Variants in RAB38 observed in about 807,000 individuals in gnomAD.
RAB38 encodes the protein ras-related protein Rab-38.
Under a neutral mutation model 18.4 loss-of-function variants are expected in RAB38, and 15 were observed. The observed-to-expected ratio is 0.82, with a 90% CI of 0.55 to 1.26. RAB38 has a LOEUF of 1.26. Ranked by LOEUF, RAB38 falls within the 50% of genes most tolerant of loss-of-function variation. The pLI, the probability that RAB38 is intolerant of heterozygous loss-of-function variation, is 0.00. For synonymous variants in RAB38, 101 were observed against 104.4 expected, an observed-to-expected ratio of 0.97 and a Z score of 0.20; for missense variants, 294 against 267.4, an observed-to-expected ratio of 1.10 and a Z score of -0.69.
downstream of RAB38, among the ~76,000 whole-genome samples, chr11:88,112,793 A>AT (rs1942491139): frequency 2.2e-5 from 3 of 135,982 alleles, no homozygotes. Flanking sequence ...ACAACAACAA[A>AT]ATATATATAT....
the RAB38 span, among the ~76,000 whole-genome samples, chr11:87,911,162 T>C: frequency 6.6e-6 from 1 of 152,076 alleles, no homozygotes; most frequent in Non-Finnish European, 1.5e-5. Flanking sequence ...CATAGAGACT[T>C]GACTATAGTA....
the RAB38 span, among the ~76,000 whole-genome samples, chr11:88,092,169 T>C: frequency 1.3e-5 from 2 of 151,680 alleles, no homozygotes; most frequent in Admixed American, 1.3e-4. Flanking sequence ...CTGGACTAGA[T>C]CCTGTTTTGG....
At position 88,169,289 on chromosome 11, in the gene RAB38, T is replaced by A. The variant is rs185823225; in HGVS notation, c.202+5894A>T. Among the ~76,000 whole-genome samples, 6 of 152,346 alleles carry A rather than the reference T, an allele frequency of 3.9e-5. No homozygotes were observed. The East Asian group carries it at 1.2e-3, about 29-fold the overall frequency. ...GTCTAGTTTAGACTTACAAATAGCATCATTTACTACTTATCATTAAGTGGG... is the reference window on the plus strand; with the variant it reads ...GTCTAGTTTAGACTTACAAATAGCAACATTTACTACTTATCATTAAGTGGG... On this transcript the variant is annotated intron_variant, in intron 1 of 2. Coordinates refer to ENST00000243662, the MANE Select transcript of RAB38 (RefSeq NM_022337.3).
intron 2 of RAB38, among the ~76,000 whole-genome samples, chr11:88,133,681 G>C (rs1331548460): frequency 6.6e-6 from 1 of 152,148 alleles, no homozygotes; most frequent in Admixed American, 6.5e-5. Context: ...CACAGTAAGT[G>C]AATGCAAGTT....
At chr11:88,022,685 C>T in the RAB38 span, among the ~76,000 whole-genome samples, 9 of 144,716 alleles carry the variant, frequency 6.2e-5, no homozygotes, top group Non-Finnish European at 1.3e-4. Flanking sequence ...GGATAATGGC[C>T]TCCAGCTCCA....
the RAB38 span, among the ~76,000 whole-genome samples, chr11:88,056,758 C>G: frequency 6.6e-6 from 1 of 151,980 alleles, no homozygotes; most frequent in African/African-American, 2.4e-5. Context: ...GAGCCAAGAT[C>G]GCACCACTGC....
the RAB38 span, among the ~76,000 whole-genome samples, chr11:88,007,922 T>C: frequency 1.3e-5 from 2 of 152,124 alleles, no homozygotes; most frequent in Non-Finnish European, 2.9e-5. Flanking sequence ...AATGAACCAC[T>C]GTAAATGAAA....
At chr11:88,151,115 T>C (rs1375183205) in intron 1 of RAB38, among the ~76,000 whole-genome samples, 1 of 152,244 alleles carries the variant, frequency 6.6e-6, no homozygotes, top group Non-Finnish European at 1.5e-5. Flanking sequence ...CTTAACGTTC[T>C]GATTGAATAT....
At chr11:88,102,589 AGTATATATTCAC>A in the RAB38 span, among the ~76,000 whole-genome samples, 4 of 152,120 alleles carry the variant, frequency 2.6e-5, no homozygotes, top group Non-Finnish European at 5.9e-5. Context: ...CCAGCTAAAA[AGTATATATTCAC>A]GTAAGAAGGA....
At chr11:87,870,471 A>G in the RAB38 span, among the ~76,000 whole-genome samples, 1 of 151,534 alleles carries the variant, frequency 6.6e-6, no homozygotes, top group Admixed American at 6.6e-5. Context: ...TAAAAAAAAA[A>G]TCATTTCAGA....
At chr11:88,126,599 T>G (rs1022235436) in intron 2 of RAB38, among the ~76,000 whole-genome samples, 3 of 151,884 alleles carry the variant, frequency 2.0e-5, no homozygotes, top group Admixed American at 6.6e-5. Context: ...ATACCTAATG[T>G]AAATGATGAG....
chr11:88,097,633 G>A, the RAB38 span, among the ~76,000 whole-genome samples: 2 of 151,904 alleles, frequency 1.3e-5, no homozygotes, highest in African/African-American at 4.8e-5. Context: ...AAACTCATTC[G>A]CTACTACAGA....
At chr11:88,135,051 TG>T (rs1488791319) in intron 2 of RAB38, among the ~76,000 whole-genome samples, 25 of 152,262 alleles carry the variant, frequency 1.6e-4, no homozygotes, top group African/African-American at 5.8e-4. Flanking sequence ...TTTCTTTCCG[TG>T]ATTTTATATG....
the RAB38 span, among the ~76,000 whole-genome samples, chr11:88,066,395 G>A: frequency 7.2e-5 from 11 of 152,066 alleles, no homozygotes; most frequent in South Asian, 8.3e-4. Context: ...CGTTTTCTGC[G>A]TAGAGTTTTG....
At chr11:88,092,411 A>AGG in the RAB38 span, among the ~76,000 whole-genome samples, 1 of 62,162 alleles carries the variant, frequency 1.6e-5, no homozygotes, top group African/African-American at 8.6e-5. Flanking sequence ...AGAGAGAGAG[A>AGG]GAGAGAGAGA....
At chr11:87,975,537 G>A in the RAB38 span, among the ~76,000 whole-genome samples, 33 of 151,918 alleles carry the variant, frequency 2.2e-4, no homozygotes, top group African/African-American at 7.7e-4. Context: ...GGGTAATTAT[G>A]CAAGACTATG....
chr11:88,069,594 G>C, the RAB38 span, among the ~76,000 whole-genome samples: 1 of 152,232 alleles, frequency 6.6e-6, no homozygotes, highest in Non-Finnish European at 1.5e-5. Flanking sequence ...CTAGCTCAGG[G>C]TTCATGGATG....
At chr11:87,921,955 A>C in the RAB38 span, among the ~76,000 whole-genome samples, 1 of 152,034 alleles carries the variant, frequency 6.6e-6, no homozygotes, top group Non-Finnish European at 1.5e-5. Context: ...TCTGCCAACC[A>C]CAAGGAAGGA....
chr11:87,924,849 C>T, the RAB38 span, among the ~76,000 whole-genome samples: 5 of 151,950 alleles, frequency 3.3e-5, no homozygotes, highest in Admixed American at 6.6e-5. Flanking sequence ...ATCTCATTGC[C>T]TCTCATTGTG....
Sources: gnomAD v4.1 joint callset for allele counts (sites outside exome capture counted in the v4.1 genomes callset) on GRCh38, gnomAD v4.1.1 for gene constraint, MANE v1.5 for transcripts, NCBI Gene and HGNC (gene_info 2026-07-23, HGNC 2026-07-21) for gene names.